APBA2: variants seen among roughly 807,000 people sequenced by gnomAD.
The protein encoded by APBA2 is amyloid beta precursor protein binding family A member 2.
A neutral mutation model predicts 75.0 loss-of-function variants in APBA2; 30 were observed. The ratio of observed to expected loss-of-function variants is 0.40; its 90% CI spans 0.30 to 0.54. The LOEUF (loss-of-function observed/expected upper bound fraction) is 0.54. Ranked by LOEUF, APBA2 falls within the 20% of genes least tolerant of loss-of-function variation. The pLI is 0.49. For missense variants in APBA2, 801 were observed against 1,016.1 expected (o/e 0.79, Z 2.88); for synonymous variants, 444 against 409.6 (o/e 1.08, Z -1.01).
chr15:28,991,035 A>AAAT lies in APBA2; in HGVS notation c.-94-4713_-94-4711dup, dbSNP rs1595668399. On this transcript the variant is annotated intron_variant, in intron 2 of 14. Transcript: ENST00000683413. This position sits in a 1 kb window ranked among gnomAD's most constrained non-coding sequence, Gnocchi z 4.7. Reference sequence around the variant, plus strand: ...AGGCTCAGCTTCTTGCCCAGGAGAAAAATAATACATGCTCGTGTTTATAAA... The same window carrying AAAT: ...AGGCTCAGCTTCTTGCCCAGGAGAAAAATAATAATACATGCTCGTGTTTATAAA... 1.3e-5 allele frequency among the ~76,000 whole-genome samples: 2 copies of AAAT among 152,336 alleles called. No homozygotes were observed. Among genetic ancestry groups the AAAT allele is most frequent in the Non-Finnish European group, 1.5e-5 (1 of 68,038 alleles).
At chr15:28,904,120 T>C (rs1361923838) in intron 1 of APBA2, among the ~76,000 whole-genome samples, 2 of 152,226 alleles carry the variant, frequency 1.3e-5, no homozygotes, top group African/African-American at 2.4e-5. Flanking sequence ...AGTTATCACA[T>C]ATGAATTCAT....
intron 4 of APBA2, among the ~76,000 whole-genome samples, chr15:29,070,023 C>A (rs1166893191): frequency 6.6e-6 from 1 of 152,190 alleles, no homozygotes; most frequent in South Asian, 2.1e-4. Context: ...GAGAATAAAG[C>A]CAGGCCAGAG....
chr15:28,934,522 G>A (rs982086006), intron 2 of APBA2, among the ~76,000 whole-genome samples: 13 of 152,320 alleles, frequency 8.5e-5, no homozygotes, highest in African/African-American at 2.6e-4. Context: ...CAGGGTCTAG[G>A]TGTGCGAGGT....
At chr15:28,906,583 G>A (rs532670466) in intron 1 of APBA2, among the ~76,000 whole-genome samples, 2 of 152,200 alleles carry the variant, frequency 1.3e-5, no homozygotes, top group Non-Finnish European at 2.9e-5. Flanking sequence ...CTCTGGACAG[G>A]TGGTGACCAT....
intron 14 of APBA2, among the ~76,000 whole-genome samples, chr15:29,116,676 C>G (rs1280270248): frequency 6.6e-6 from 1 of 151,992 alleles, no homozygotes; most frequent in Non-Finnish European, 1.5e-5. Context: ...CCATTGAGCT[C>G]CTCCTCAGTG....
chr15:29,030,326 A>G (rs1011082537), intron 3 of APBA2, among the ~76,000 whole-genome samples: 4 of 151,896 alleles, frequency 2.6e-5, no homozygotes, highest in Admixed American at 6.6e-5. Flanking sequence ...GCCGGGCGTG[A>G]TGGCGGGTGC....
intron 4 of APBA2, among the ~76,000 whole-genome samples, chr15:29,069,562 C>T (rs2042528494): frequency 6.6e-6 from 1 of 152,264 alleles, no homozygotes; most frequent in Non-Finnish European, 1.5e-5. Flanking sequence ...CTCACCGCTT[C>T]AGCTCCTCTG....
intron 6 of APBA2, among the ~76,000 whole-genome samples, chr15:29,081,594 C>T (rs1396246829): frequency 2.6e-5 from 4 of 152,324 alleles, no homozygotes; most frequent in East Asian, 3.9e-4. Flanking sequence ...AAGCCACTTA[C>T]ATTTCTTGTG....
At chr15:28,916,384 A>G (rs1295942480) in intron 1 of APBA2, among the ~76,000 whole-genome samples, 52 of 152,344 alleles carry the variant, frequency 3.4e-4, no homozygotes, top group Non-Finnish European at 2.8e-4. Context: ...GGAGACCTTC[A>G]AAGGCACACA....
rs2152589966 is a variant in APBA2, at chr15:28,886,264, C to T, written c.-219C>T. The T allele has an allele frequency of 6.6e-6, 1 of 150,846 alleles. No individual in the cohort carries two copies. The highest frequency in any genetic ancestry group is 2.4e-5 in the African/African-American group (1 of 41,372). 9.3% of individuals were successfully genotyped at this position (150,846 alleles called of 1,614,324 possible). A position where few individuals can be genotyped will look rare whatever the true frequency, so the allele number is the denominator to read the frequency against. On this transcript the variant is annotated 5_prime_UTR_variant, in exon 1 of 15. Coordinates refer to ENST00000683413, the MANE Select transcript of APBA2 (RefSeq NM_001353788.2). ...GGGACGGCGGCGTACCCGGGCAGCC[C>T]AGCGCCCTGGCCAGGTAAGCTGGGG...
At chr15:29,065,928 AG>A (rs2042361414) in intron 4 of APBA2, among the ~76,000 whole-genome samples, 1 of 152,096 alleles carries the variant, frequency 6.6e-6, no homozygotes, top group Non-Finnish European at 1.5e-5. Context: ...CGGGAGCCCG[AG>A]GTGGACTTCA....
At chr15:29,004,097 A>G (rs2038990093) in intron 3 of APBA2, among the ~76,000 whole-genome samples, 1 of 152,162 alleles carries the variant, frequency 6.6e-6, no homozygotes, top group South Asian at 2.1e-4. Flanking sequence ...TGGCTGTAGC[A>G]TGCTCCACAC....
intron 1 of APBA2, among the ~76,000 whole-genome samples, chr15:28,901,806 T>C (rs2032870933): frequency 6.6e-6 from 1 of 151,808 alleles, no homozygotes; most frequent in South Asian, 2.1e-4. Flanking sequence ...GTCTCAGGAG[T>C]GAGCATTCCA....
At chr15:28,886,840 C>G (rs994491307) in intron 1 of APBA2, among the ~76,000 whole-genome samples, 1 of 152,176 alleles carries the variant, frequency 6.6e-6, no homozygotes, top group Admixed American at 6.5e-5. Context: ...TGCAGGTGCC[C>G]GGTTGGGGGC....
At chr15:28,908,822 T>A (rs2033275928) in intron 1 of APBA2, among the ~76,000 whole-genome samples, 1 of 152,190 alleles carries the variant, frequency 6.6e-6, no homozygotes, top group Non-Finnish European at 1.5e-5. Context: ...TGAAATACTT[T>A]TAAGTATATG....
At chr15:29,045,813 T>G (rs555916516) in intron 3 of APBA2, among the ~76,000 whole-genome samples, 11 of 152,166 alleles carry the variant, frequency 7.2e-5, no homozygotes, top group Non-Finnish European at 1.2e-4. Flanking sequence ...CAAAACAGAT[T>G]GTAGTCCTTG....
At chr15:28,989,998 G>A (rs1316891786) in intron 2 of APBA2, among the ~76,000 whole-genome samples, 2 of 152,184 alleles carry the variant, frequency 1.3e-5, no homozygotes, top group Admixed American at 6.5e-5. Context: ...CTGGAGAGCC[G>A]TGTCAGAGCC....
At chr15:29,068,715 C>T (rs1327954022) in intron 4 of APBA2, among the ~76,000 whole-genome samples, 1 of 152,216 alleles carries the variant, frequency 6.6e-6, no homozygotes, top group Admixed American at 6.5e-5. Flanking sequence ...CCCACTTTGC[C>T]TGGGTGTCAG....
At chr15:29,113,840 G>T in intron 13 of APBA2, 36 bp from the exon 14 acceptor site, 1 of 1,580,886 alleles carries the variant, frequency 6.3e-7, no homozygotes. Context: ...CGGGTGTGGC[G>T]GGAACACGTG....
Sources: gnomAD v4.1 joint callset for allele counts (sites outside exome capture counted in the v4.1 genomes callset) on GRCh38, gnomAD v4.1.1 for gene constraint, Gnocchi (gnomAD v3.1) non-coding constraint, MANE v1.5 for transcripts, NCBI Gene and HGNC (gene_info 2026-07-23, HGNC 2026-07-21) for gene names.